MYO16: variants seen among roughly 807,000 people sequenced by gnomAD.
MYO16 encodes unconventional myosin-XVI.
In MYO16, 94 loss-of-function variants were observed where a neutral mutation model predicts 205.3. The observed-to-expected ratio is 0.46, with a 90% CI of 0.39 to 0.54. The LOEUF (loss-of-function observed/expected upper bound fraction) is 0.54, where lower values mean the gene tolerates loss of function less well. Ranked by LOEUF, MYO16 falls within the 20% of genes least tolerant of loss-of-function variation. The probability of loss-of-function intolerance (pLI) is 0.00; values close to 1 mark genes in which losing one functional copy is unlikely to be tolerated. For synonymous variants in MYO16, 988 were observed against 954.0 expected (o/e 1.04, Z -0.66); for missense variants, 2,315 against 2,387.5 (o/e 0.97, Z 0.63).
At chr13:108,882,746 A>G (rs1444907279) in intron 12 of MYO16, among the ~76,000 whole-genome samples, 1 of 152,220 alleles carries the variant, frequency 6.6e-6, no homozygotes, top group Non-Finnish European at 1.5e-5. Context: ...AAATTACCAC[A>G]GTTTCAGCTT....
chr13:108,758,082 T>G (rs1055708623), intron 4 of MYO16, among the ~76,000 whole-genome samples: 2 of 152,150 alleles, frequency 1.3e-5, no homozygotes, highest in East Asian at 3.9e-4. Flanking sequence ...CCTTCTGCCA[T>G]GCGAAGATGC....
the MYO16 span, among the ~76,000 whole-genome samples, chr13:108,542,888 T>C: frequency 6.6e-6 from 1 of 151,440 alleles, no homozygotes; most frequent in African/African-American, 2.4e-5. Flanking sequence ...TTTATAGTAA[T>C]TTATTTTATA....
At chr13:108,929,473 G>A (rs918778582) in intron 16 of MYO16, among the ~76,000 whole-genome samples, 4 of 152,206 alleles carry the variant, frequency 2.6e-5, no homozygotes, top group Non-Finnish European at 5.9e-5. Flanking sequence ...CCTAATGAGG[G>A]TTTAAATTAG....
chr13:109,120,542 T>C, intron 29 of MYO16, 76 bp downstream of exon 29: 5 of 1,093,846 alleles, frequency 4.6e-6, no homozygotes, highest in Non-Finnish European at 6.8e-6. Context: ...TCCCCAAGTT[T>C]AAATGTCGAT....
chr13:109,142,807 G>A (rs866170161), intron 32 of MYO16, among the ~76,000 whole-genome samples: 9 of 152,228 alleles, frequency 5.9e-5, no homozygotes, highest in African/African-American at 2.2e-4. Context: ...ATTTGGACCC[G>A]AGAAGATTCT....
At chr13:109,148,682 CT>C (rs1758332615) in intron 32 of MYO16, among the ~76,000 whole-genome samples, 2 of 152,304 alleles carry the variant, frequency 1.3e-5, no homozygotes, top group South Asian at 4.1e-4. Context: ...GCTTCATAAG[CT>C]TTATCGGATC....
intron 16 of MYO16, among the ~76,000 whole-genome samples, chr13:108,915,185 T>G (rs1267080318): frequency 6.6e-6 from 1 of 152,246 alleles, no homozygotes; most frequent in Non-Finnish European, 1.5e-5. Context: ...AAGGCTTAGC[T>G]GCATGAAAAC....
intron 31 of MYO16, among the ~76,000 whole-genome samples, chr13:109,132,436 T>G (rs1256451879): frequency 1.3e-5 from 2 of 152,232 alleles, no homozygotes; most frequent in Non-Finnish European, 2.9e-5. Flanking sequence ...TTGGAAATAA[T>G]ATGTCTTTTC....
intron 28 of MYO16, among the ~76,000 whole-genome samples, chr13:109,119,297 C>G (rs979948701): frequency 1.3e-5 from 2 of 152,146 alleles, no homozygotes; most frequent in Non-Finnish European, 2.9e-5. Flanking sequence ...TTTAATGTCC[C>G]CAGTTCATGC....
intron 32 of MYO16, among the ~76,000 whole-genome samples, chr13:109,160,491 A>G (rs766998232): frequency 2.2e-4 from 33 of 152,220 alleles, no homozygotes; most frequent in Non-Finnish European, 3.8e-4. Flanking sequence ...AATCTTGTTA[A>G]TAGGCCAAAA....
At chr13:108,698,931 C>T (rs1271252173) in intron 2 of MYO16, among the ~76,000 whole-genome samples, 3 of 152,018 alleles carry the variant, frequency 2.0e-5, no homozygotes, top group African/African-American at 4.8e-5. Flanking sequence ...GAGGCCCACC[C>T]AAAAACTCAA....
intron 1 of MYO16, among the ~76,000 whole-genome samples, chr13:108,661,253 A>C (rs1215472576): frequency 6.6e-6 from 1 of 152,092 alleles, no homozygotes; most frequent in Non-Finnish European, 1.5e-5. Flanking sequence ...ACCTGATGAC[A>C]ATGTGCCTAG....
chr13:108,517,798 A>G, the MYO16 span, among the ~76,000 whole-genome samples: 11 of 152,200 alleles, frequency 7.2e-5, no homozygotes, highest in Non-Finnish European at 1.5e-4. Context: ...TTTATAGACA[A>G]CATAACTTTA....
intron 15 of MYO16, among the ~76,000 whole-genome samples, chr13:108,899,852 A>C (rs1221036556): frequency 6.6e-6 from 1 of 152,186 alleles, no homozygotes; most frequent in Non-Finnish European, 1.5e-5. Flanking sequence ...CTGCGTCATC[A>C]CTTGGGAGTT....
At chr13:108,992,603 T>C (rs1041624122) in intron 21 of MYO16, among the ~76,000 whole-genome samples, 155 bp downstream of exon 21, 4 of 152,206 alleles carry the variant, frequency 2.6e-5, no homozygotes, top group Non-Finnish European at 2.9e-5. Context: ...TTTATCAATA[T>C]ATTAACCATT....
At chr13:108,906,462 T>C (rs1183002236) in intron 15 of MYO16, among the ~76,000 whole-genome samples, 1 of 152,224 alleles carries the variant, frequency 6.6e-6, no homozygotes, top group Non-Finnish European at 1.5e-5. Context: ...AATCCTGATG[T>C]TAAATAAACT....
chr13:109,060,923 G>GA (rs1424613374), intron 27 of MYO16, among the ~76,000 whole-genome samples: 1 of 151,920 alleles, frequency 6.6e-6, no homozygotes, highest in Non-Finnish European at 1.5e-5. Flanking sequence ...CACCTACATA[G>GA]AAAATCTGTT....
intron 28 of MYO16, among the ~76,000 whole-genome samples, chr13:109,104,458 C>G (rs1889062603): frequency 1.4e-5 from 2 of 142,542 alleles, no homozygotes. Flanking sequence ...TCAAACTGAC[C>G]CTGAAATAGC....
the MYO16 span, among the ~76,000 whole-genome samples, chr13:108,574,500 G>A: frequency 0.033 from 4,999 of 152,172 alleles, 247 homozygotes; most frequent in African/African-American, 0.11. Flanking sequence ...CTCAGTGAAG[G>A]CAGCACTAAC....
Sources: allele counts gnomAD v4.1 joint callset (sites outside exome capture counted in the v4.1 genomes callset), GRCh38; gene constraint gnomAD v4.1.1; transcripts MANE v1.5; gene names NCBI Gene and HGNC (gene_info 2026-07-23, HGNC 2026-07-21).